Variants in CCDC146 observed in about 807,000 individuals in gnomAD.
The protein encoded by CCDC146 is coiled-coil domain containing 146.
Under a neutral mutation model 119.3 loss-of-function variants are expected in CCDC146, and 92 were observed. The ratio of observed to expected loss-of-function variants is 0.77; its 90% CI spans 0.65 to 0.92. CCDC146 has a LOEUF of 0.92. Ranked by LOEUF, CCDC146 falls within the 40% of genes least tolerant of loss-of-function variation. The pLI is 0.00. For missense variants in CCDC146, 1,000 were observed against 1,103.0 expected (o/e 0.91, Z 1.32); for synonymous variants, 372 against 371.8 (o/e 1.00, Z -0.01).
chr7:77,228,786 A>T (rs1246834880), intron 2 of CCDC146, among the ~76,000 whole-genome samples: 1 of 152,198 alleles, frequency 6.6e-6, no homozygotes, highest in African/African-American at 2.4e-5. Context: ...GTGTATAAGC[A>T]TTCCTTTTTC....
At chr7:77,251,718 AG>A (rs1230021958) in intron 4 of CCDC146, among the ~76,000 whole-genome samples, 2 of 152,160 alleles carry the variant, frequency 1.3e-5, no homozygotes, top group Non-Finnish European at 2.9e-5. Flanking sequence ...GAACCTTTGG[AG>A]CTGTGATTCT....
chr7:77,162,351 T>A (rs147101286), intron 1 of CCDC146, among the ~76,000 whole-genome samples: 2,774 of 152,280 alleles, frequency 0.018, 77 homozygotes, highest in African/African-American at 0.063. Context: ...CCTGATTTCA[T>A]TCTTTGGCAT....
chr7:77,280,731 G>A (rs1451040819), intron 14 of CCDC146, 78 bp downstream of exon 14: 10 of 951,530 alleles, frequency 1.1e-5, no homozygotes, highest in Non-Finnish European at 1.6e-5. Context: ...AGACTTGACA[G>A]TGAATAGTGA....
At position 77,292,980 on chromosome 7, in the gene CCDC146, A is replaced by C. The variant is rs77337116; in HGVS notation, c.2444A>C (p.Asn815Thr). The C allele has an allele frequency of 4.1e-4, 661 of 1,614,052 alleles. 1 individual carries two copies. The African/African-American group carries it at 7.7e-3, about 19-fold the overall frequency. The change falls in exon 18 of 19, where the codon AAT becomes ACT. Residue 815 changes from asparagine to threonine, a missense_variant. Asn to Thr is a moderately conservative substitution (Grantham distance 65). This residue lies in a region of CCDC146 where 985 missense variants were observed against 1,045.3 expected (regional missense o/e 0.94). Transcript: ENST00000285871. ...KMNGYQRRIK[N>T]ATEKMMALVA... ...AATGGCTATCAAAGAAGGATCAAAA[A>C]TGCAACTGAGAAAATGATGGCTCTT...
intron 8 of CCDC146, among the ~76,000 whole-genome samples, chr7:77,261,468 A>G (rs1007812797): frequency 6.6e-6 from 1 of 151,870 alleles, no homozygotes; most frequent in South Asian, 2.1e-4. Context: ...TTTTTATTTT[A>G]TTTTTTATTT....
intron 1 of CCDC146, among the ~76,000 whole-genome samples, chr7:77,165,989 G>C (rs922575995): frequency 6.6e-5 from 10 of 152,152 alleles, no homozygotes; most frequent in Non-Finnish European, 1.5e-4. Context: ...TTCCAAGCTT[G>C]AATAAAGCTT....
intron 2 of CCDC146, chr7:77,199,805 T>C: frequency 6.2e-7 from 1 of 1,610,914 alleles, no homozygotes; most frequent in African/African-American, 1.3e-5. Flanking sequence ...TTTACAGTGC[T>C]GCTCACCCCA....
chr7:77,203,038 C>T lies in CCDC146; in HGVS notation c.157-33909C>T, dbSNP rs868228564. 3.8e-4 allele frequency among the ~76,000 whole-genome samples: 55 copies of T among 144,634 alleles called. 1 individual carries two copies. Among genetic ancestry groups the T allele is most frequent in the Admixed American group, 9.0e-4 (13 of 14,370 alleles). 94.9% of individuals were successfully genotyped at this position (144,634 alleles called of 152,430 possible). On this transcript the variant is annotated intron_variant, in intron 2 of 18. Coordinates refer to ENST00000285871, the MANE Select transcript of CCDC146 (RefSeq NM_020879.3). ...AAGGAAAATAAAATACTTGCCCCCCCCCCCCCCAGGACTATTTTAGGAATG... is the reference window on the plus strand; with the variant it reads ...AAGGAAAATAAAATACTTGCCCCCCTCCCCCCCAGGACTATTTTAGGAATG...
intron 4 of CCDC146, among the ~76,000 whole-genome samples, chr7:77,252,366 T>C (rs796770060): frequency 6.6e-6 from 1 of 152,026 alleles, no homozygotes; most frequent in Non-Finnish European, 1.5e-5. Flanking sequence ...CAAAGAAATA[T>C]GTTCCAAATG....
At chr7:77,177,416 G>A (rs1370506105) in intron 2 of CCDC146, among the ~76,000 whole-genome samples, 1 of 152,168 alleles carries the variant, frequency 6.6e-6, no homozygotes, top group Non-Finnish European at 1.5e-5. Flanking sequence ...TGTAATAGGA[G>A]TTTTGAGATA....
chr7:77,286,197 G>A (rs1463675648), intron 15 of CCDC146, among the ~76,000 whole-genome samples: 2 of 152,224 alleles, frequency 1.3e-5, no homozygotes, highest in African/African-American at 4.8e-5. Flanking sequence ...GGAAAGCAAA[G>A]GGGGCGCAGG....
Position 77,262,195 on chromosome 7 carries a change from A to G in CCDC146, c.1061A>G (p.Gln354Arg). The change falls in exon 9 of 19, where the codon CAA becomes CGA. Residue 354 changes from glutamine to arginine, a missense_variant. By Grantham distance (43) the Gln-to-Arg change is conservative. Around this residue, in one of 2 missense-constraint regions of CCDC146, gnomAD observed 985 missense variants for 1,045.3 expected, o/e 0.94. Transcript: ENST00000285871. ...TACCATGATGAACTTTCTCGTAAGC[A>G]AAGAGAGAAAGAACGAGATTTTCGA... ...QNYHDELSRK[Q>R]REKERDFRNL... 1 of 1,613,912 alleles carries G rather than the reference A, an allele frequency of 6.2e-7. No individual in the cohort carries two copies. The highest frequency in any genetic ancestry group is 8.5e-7 in the Non-Finnish European group (1 of 1,179,844).
chr7:77,163,578 T>C (rs1225841598), intron 1 of CCDC146, among the ~76,000 whole-genome samples: 3 of 152,184 alleles, frequency 2.0e-5, no homozygotes, highest in African/African-American at 4.8e-5. Context: ...TAACCTATGG[T>C]GCATCTATGC....
At chr7:77,229,079 G>A (rs190622190) in intron 2 of CCDC146, among the ~76,000 whole-genome samples, 10 of 152,336 alleles carry the variant, frequency 6.6e-5, no homozygotes, top group Non-Finnish European at 1.3e-4. Flanking sequence ...GGTCAGTGAT[G>A]TTGAGCTTTT....
chr7:77,173,273 G>A (rs1041242184), intron 2 of CCDC146, among the ~76,000 whole-genome samples: 6 of 151,924 alleles, frequency 3.9e-5, no homozygotes, highest in Admixed American at 6.6e-5. Context: ...ACCTATGATC[G>A]CAATAAGACC....
chr7:77,276,580 A>G (rs1340675349), intron 11 of CCDC146, among the ~76,000 whole-genome samples: 1 of 152,218 alleles, frequency 6.6e-6, no homozygotes, highest in Non-Finnish European at 1.5e-5. Context: ...GATGAAAGTC[A>G]CTTAATCCAT....
At chr7:77,265,438 T>C (rs578039114) in intron 9 of CCDC146, among the ~76,000 whole-genome samples, 7 of 152,324 alleles carry the variant, frequency 4.6e-5, no homozygotes, top group African/African-American at 1.7e-4. Flanking sequence ...CATCAAAGCA[T>C]TCTTAATATT....
intron 7 of CCDC146, 61 bp downstream of exon 7, chr7:77,259,129 A>G: frequency 1.0e-6 from 1 of 957,944 alleles, no homozygotes; most frequent in South Asian, 1.4e-5. Flanking sequence ...GCACACTAGA[A>G]CAAGAGTACT....
chr7:77,221,704 T>C (rs1316051914), intron 2 of CCDC146, among the ~76,000 whole-genome samples: 1 of 152,158 alleles, frequency 6.6e-6, no homozygotes, highest in Non-Finnish European at 1.5e-5. Context: ...TGGACAGACA[T>C]ATGAGCATGA....
Sources: gnomAD v4.1 joint callset for allele counts (sites outside exome capture counted in the v4.1 genomes callset) on GRCh38, gnomAD v4.1.1 for gene constraint, gnomAD v4.1.1 regional missense constraint, MANE v1.5 for transcripts, NCBI Gene and HGNC (gene_info 2026-07-23, HGNC 2026-07-21) for gene names.